The following PPP1R7 variants were observed in gnomAD, a reference collection of about 807,000 sequenced individuals.
The protein encoded by PPP1R7 is protein phosphatase 1 regulatory subunit 22.
PPP1R7 carries 18 observed loss-of-function variants against 45.2 expected under a neutral mutation model. The ratio of observed to expected loss-of-function variants is 0.40; its 90% CI spans 0.28 to 0.59. The LOEUF (loss-of-function observed/expected upper bound fraction) is 0.59. Among genes scored for constraint, PPP1R7 ranks in the 20% least tolerant of loss-of-function variants. PPP1R7 has a pLI of 0.46. For missense variants in PPP1R7, 314 were observed against 455.8 expected (o/e 0.69, Z 2.83); for synonymous variants, 181 against 183.4 (o/e 0.99, Z 0.11).
In PPP1R7 at chr2:241,182,702, G is replaced by A; in HGVS notation, c.962G>A (p.Arg321Lys). ...WSDLDELKGA[R>K]SLETVYLERN... ...GACCTCGACGAGCTGAAGGGAGCCA[G>A]GAGCCTGGAGACAGTGTACCTGGAG... The change falls in exon 10 of 10, where the codon AGG becomes AAG. Residue 321 changes from arginine to lysine, a missense_variant. Coordinates refer to ENST00000234038, the MANE Select transcript of PPP1R7 (RefSeq NM_002712.3). The A allele has an allele frequency of 6.8e-6, 11 of 1,614,232 alleles. No individual in the cohort carries two copies. The highest frequency in any genetic ancestry group is 1.6e-4 in the Middle Eastern group (1 of 6,062).
At chr2:241,155,709 C>G (rs2067442492) in intron 2 of PPP1R7, among the ~76,000 whole-genome samples, 1 of 152,166 alleles carries the variant, frequency 6.6e-6, no homozygotes, top group African/African-American at 2.4e-5. Context: ...TCCTGAGGAG[C>G]CTGGCACAGC....
At chr2:241,156,816 TTGG>T (rs1299865203) in intron 2 of PPP1R7, among the ~76,000 whole-genome samples, 14 of 152,146 alleles carry the variant, frequency 9.2e-5, no homozygotes, top group African/African-American at 3.4e-4. Context: ...CTGACAATCT[TTGG>T]TGATATTGAG....
At chr2:241,165,587 TTTTGTTTG>T in intron 7 of PPP1R7, among the ~76,000 whole-genome samples, 1 of 152,198 alleles carries the variant, frequency 6.6e-6, no homozygotes, top group African/African-American at 2.4e-5. Context: ...CTAGCATGTT[TTTTGTTTG>T]TTTGTTTGTT....
At chr2:241,163,985 T>C (rs900882163) in intron 7 of PPP1R7, among the ~76,000 whole-genome samples, 1 of 152,090 alleles carries the variant, frequency 6.6e-6, no homozygotes, top group African/African-American at 2.4e-5. Flanking sequence ...AGTGCATTCA[T>C]AGCTCACTAT....
chr2:241,154,748 T>C (rs980399757), intron 2 of PPP1R7, among the ~76,000 whole-genome samples: 8 of 152,202 alleles, frequency 5.3e-5, no homozygotes, highest in Non-Finnish European at 1.2e-4. Context: ...TATGTACTTT[T>C]ACCTGCTAAA....
chr2:241,165,176 T>G lies in PPP1R7; in HGVS notation c.715-1161T>G, dbSNP rs576309446. ...TTTAACAATGAGTTCTTTTTTTTGG[T>G]TTTTTTTTGAGATGGAATTTCGCTC... On this transcript the variant is annotated intron_variant, in intron 7 of 9. Transcript: ENST00000234038. Among the ~76,000 whole-genome samples, 5 of 146,394 alleles carry G rather than the reference T, an allele frequency of 3.4e-5. No individual in the cohort carries two copies. In the South Asian group the frequency reaches 6.3e-4, roughly 18 times the overall value.
At chr2:241,151,630 T>C (rs973496061) in intron 1 of PPP1R7, 1 of 457,236 alleles carries the variant, frequency 2.2e-6, no homozygotes, top group African/African-American at 2.0e-5. Flanking sequence ...CTTCATACCC[T>C]TTGAGTCTTT....
chr2:241,156,873 CGT>C (rs1262413279), intron 2 of PPP1R7, among the ~76,000 whole-genome samples: 1 of 151,800 alleles, frequency 6.6e-6, no homozygotes, highest in Non-Finnish European at 1.5e-5. Flanking sequence ...GGTGAGTGTG[CGT>C]GTTTGTGTGT....
chr2:241,159,911 T>C (rs1257902731), intron 5 of PPP1R7, among the ~76,000 whole-genome samples: 1 of 152,220 alleles, frequency 6.6e-6, no homozygotes, highest in Non-Finnish European at 1.5e-5. Flanking sequence ...GTCCTAGTTA[T>C]AACTTTACCT....
Position 241,183,041 on chromosome 2 carries a change from GAC to G in PPP1R7, c.*220_*221del. 1 of 586,738 alleles carries G rather than the reference GAC, an allele frequency of 1.7e-6. No individual in the cohort carries two copies. Among genetic ancestry groups the G allele is most frequent in the Non-Finnish European group, 3.0e-6 (1 of 330,814 alleles). The allele number at this position is 586,738 out of a possible 1,614,324, so 36.3% of individuals were successfully genotyped here. ...CACACTGTCCTCCTGGGTGATTGTT[GAC>G]AGTTATTGTAGCCACAGAGAGAACA... On this transcript the variant is annotated 3_prime_UTR_variant, in exon 10 of 10. Transcript: ENST00000234038.
At position 241,166,972 on chromosome 2, in the gene PPP1R7, C is replaced by T. The variant is rs532241461; in HGVS notation, c.819+531C>T. On this transcript the variant is annotated intron_variant, in intron 8 of 9. Coordinates refer to ENST00000234038, the MANE Select transcript of PPP1R7 (RefSeq NM_002712.3). ...TGAGCAGCTTCCTCCTCCCCCATTCCTCCCTGCCTGCTTTCCACACCTGTC... is the reference window on the plus strand; with the variant it reads ...TGAGCAGCTTCCTCCTCCCCCATTCTTCCCTGCCTGCTTTCCACACCTGTC... 3 of 1,364,202 alleles carry T rather than the reference C, an allele frequency of 2.2e-6. No homozygotes were observed. The East Asian group carries it at 7.0e-5, about 32-fold the overall frequency. 84.5% of individuals were successfully genotyped at this position (1,364,202 alleles called of 1,614,324 possible).
intron 1 of PPP1R7, chr2:241,151,393 G>A (rs777262269): frequency 4.3e-6 from 2 of 467,244 alleles, no homozygotes; most frequent in Non-Finnish European, 8.9e-6. Flanking sequence ...GAGGGCGGGT[G>A]CAGCAGGAAG....
intron 9 of PPP1R7, among the ~76,000 whole-genome samples, chr2:241,181,112 C>T (rs1463743695): frequency 2.6e-5 from 4 of 152,092 alleles, no homozygotes; most frequent in South Asian, 2.1e-4. Flanking sequence ...GTGGGAGAAT[C>T]GCTTGAACCC....
chr2:241,162,034 C>A (rs1265821777), intron 6 of PPP1R7, among the ~76,000 whole-genome samples: 3 of 152,154 alleles, frequency 2.0e-5, no homozygotes, highest in Non-Finnish European at 4.4e-5. Flanking sequence ...AGGATACAAA[C>A]CAAGGGAGGG....
chr2:241,174,504 G>A (rs1267444658), intron 9 of PPP1R7, among the ~76,000 whole-genome samples: 1 of 151,870 alleles, frequency 6.6e-6, no homozygotes, highest in Non-Finnish European at 1.5e-5. Flanking sequence ...TCAACTCTGT[G>A]TGGCCACCAG....
chr2:241,150,604 G>C (rs1229226312), intron 1 of PPP1R7, 57 bp downstream of exon 1: 1 of 1,538,902 alleles, frequency 6.5e-7, no homozygotes, highest in African/African-American at 1.4e-5. Flanking sequence ...GGAGCTGCGG[G>C]CTGGAACTGC....
upstream of PPP1R7, chr2:241,150,460 A>C (rs766144136): frequency 2.7e-6 from 4 of 1,479,420 alleles, no homozygotes; most frequent in South Asian, 4.7e-5. Flanking sequence ...GAGGGGTCTG[A>C]GGCGACAGAT....
chr2:241,177,188 G>C (rs2067922213), intron 9 of PPP1R7, among the ~76,000 whole-genome samples: 2 of 152,202 alleles, frequency 1.3e-5, no homozygotes, highest in African/African-American at 2.4e-5. Flanking sequence ...CCAAGATCGT[G>C]CCACTGCACG....
At chr2:241,158,635 G>T in intron 4 of PPP1R7, 86 bp downstream of exon 4, 1 of 1,377,216 alleles carries the variant, frequency 7.3e-7, no homozygotes, top group Non-Finnish European at 1.0e-6. Flanking sequence ...CCTGAGTTGT[G>T]GTCCTTGTCC....
Sources: allele counts gnomAD v4.1 joint callset (sites outside exome capture counted in the v4.1 genomes callset), GRCh38; gene constraint gnomAD v4.1.1; transcripts MANE v1.5; gene names NCBI Gene and HGNC (gene_info 2026-07-23, HGNC 2026-07-21).